The following HDAC8 variants were observed in gnomAD, a reference collection of about 807,000 sequenced individuals.
HDAC8 encodes histone deacetylase-like 1.
Under a neutral mutation model 32.2 loss-of-function variants are expected in HDAC8, and 1 was observed. That is an observed-to-expected ratio of 0.03 (90% confidence interval 0.01 to 0.15). The LOEUF is 0.15. Among genes scored for constraint, HDAC8 ranks in the 10% least tolerant of loss-of-function variants. The pLI is 1.00. For missense variants in HDAC8, 117 were observed against 300.0 expected (o/e 0.39, Z 4.51); for synonymous variants, 108 against 113.9 (o/e 0.95, Z 0.33).
At chrX:72,428,131 T>C (rs2046703714) in intron 9 of HDAC8, among the ~76,000 whole-genome samples, 1 of 111,860 alleles carries the variant, frequency 8.9e-6, no homozygotes, top group African/African-American at 3.3e-5. Context: ...TCTCGCTCTG[T>C]CACCCAGGCT....
chrX:72,442,053 G>C (rs782456123), intron 9 of HDAC8, among the ~76,000 whole-genome samples: 1 of 111,118 alleles, frequency 9.0e-6, no homozygotes, highest in Non-Finnish European at 1.9e-5. Flanking sequence ...CCAAATCTAC[G>C]TCTGATTGGT....
intron 9 of HDAC8, among the ~76,000 whole-genome samples, chrX:72,427,816 T>G (rs1400584398): frequency 2.7e-5 from 3 of 111,139 alleles, no homozygotes; most frequent in Non-Finnish European, 5.7e-5. Flanking sequence ...TTAGAGCACA[T>G]GCAGCCAAAA....
chrX:72,447,389 C>A (rs1288316259), intron 9 of HDAC8, among the ~76,000 whole-genome samples: 1 of 111,933 alleles, frequency 8.9e-6, no homozygotes, highest in Non-Finnish European at 1.9e-5. Flanking sequence ...ATTCAACACC[C>A]CTTCATGCTA....
chrX:72,549,613 T>C (rs2050995396), intron 4 of HDAC8, among the ~76,000 whole-genome samples: 1 of 111,717 alleles, frequency 9.0e-6, no homozygotes, highest in Non-Finnish European at 1.9e-5. Flanking sequence ...CTGGGCCCTA[T>C]TATCAGCTCT....
intron 4 of HDAC8, among the ~76,000 whole-genome samples, chrX:72,543,026 C>T (rs2050754840): frequency 8.9e-6 from 1 of 111,734 alleles, no homozygotes; most frequent in Non-Finnish European, 1.9e-5. Flanking sequence ...TTAAGTTGTT[C>T]AAGTTGACAT....
At chrX:72,533,282 T>C (rs2147421191) in intron 4 of HDAC8, among the ~76,000 whole-genome samples, 1 of 112,033 alleles carries the variant, frequency 8.9e-6, no homozygotes, top group African/African-American at 3.2e-5. Context: ...AGTTTTGAAA[T>C]TGGGAATTGT....
intron 7 of HDAC8, chrX:72,474,457 C>T: frequency 3.9e-6 from 4 of 1,028,047 alleles, no homozygotes; most frequent in Non-Finnish European, 4.9e-6. Context: ...TGTAACAGTA[C>T]TGTTTGCTAC....
chrX:72,560,004 C>T (rs2051478743), intron 4 of HDAC8, among the ~76,000 whole-genome samples: 1 of 112,170 alleles, frequency 8.9e-6, no homozygotes, highest in Non-Finnish European at 1.9e-5. Context: ...CTCTGCCCGG[C>T]CGCCCCGTCT....
rs1200924906 is a variant in HDAC8, at chrX:72,397,041, C to T, written c.1006-45203G>A. On this transcript the variant is annotated intron_variant, in intron 9 of 10. Coordinates refer to ENST00000373573, the MANE Select transcript of HDAC8 (RefSeq NM_018486.3). Reference sequence around the variant, plus strand: ...GGCCTCAGGAAGCTTACAATCATGGCAGAGGGCAAATGGGGGGCTGGCACA... The same window carrying T: ...GGCCTCAGGAAGCTTACAATCATGGTAGAGGGCAAATGGGGGGCTGGCACA... Among the ~76,000 whole-genome samples the T allele has an allele frequency of 9.0e-5, 10 of 110,906 alleles. No homozygotes were observed. The Admixed American group carries it at 9.6e-4, about 11-fold the overall frequency.
In HDAC8 at chrX:72,572,112, A is replaced by G; in HGVS notation, c.112-3T>C. 2 of 1,179,601 alleles carry G rather than the reference A, an allele frequency of 1.7e-6. No homozygotes were observed. The highest frequency in any genetic ancestry group is 1.9e-5 in the South Asian group (1 of 51,868). ...ATCAAAGAATGCACCATACTGGCCT[A>G]AAAACATCAGCGTAAAAAAAAAAAA... On this transcript the variant is annotated splice_polypyrimidine_tract_variant and splice_region_variant and intron_variant, in intron 1 of 10. Coordinates refer to ENST00000373573, the MANE Select transcript of HDAC8 (RefSeq NM_018486.3).
At chrX:72,480,796 C>T (rs2048471464) in intron 7 of HDAC8, among the ~76,000 whole-genome samples, 1 of 111,081 alleles carries the variant, frequency 9.0e-6, no homozygotes, top group South Asian at 3.8e-4. Flanking sequence ...AGAAAACTAA[C>T]ACTGGAACAG....
intron 9 of HDAC8, among the ~76,000 whole-genome samples, chrX:72,437,128 A>G (rs1052001121): frequency 2.7e-5 from 3 of 111,385 alleles, no homozygotes; most frequent in Non-Finnish European, 3.8e-5. Context: ...TGCATTTCCA[A>G]CTGAGGTACC....
In HDAC8 at chrX:72,446,817, C is replaced by T. The variant is rs183413218; in HGVS notation, c.1005+15187G>A. 2.3e-3 allele frequency among the ~76,000 whole-genome samples: 251 copies of T among 111,472 alleles called. 3 individuals carry two copies. Among genetic ancestry groups the T allele is most frequent in the African/African-American group, 5.9e-3 (181 of 30,704 alleles). On this transcript the variant is annotated intron_variant, in intron 9 of 10. Coordinates refer to ENST00000373573, the MANE Select transcript of HDAC8 (RefSeq NM_018486.3). ...AGAGAATAATATAAACACCTCTACA[C>T]GAATAAATTAGAAAATCTAGAAAAA...
At chrX:72,523,336 G>A (rs1431302636) in intron 4 of HDAC8, among the ~76,000 whole-genome samples, 3 of 111,880 alleles carry the variant, frequency 2.7e-5, no homozygotes, top group Non-Finnish European at 3.8e-5. Flanking sequence ...TTGTTTTCAC[G>A]TCTTTGACTG....
intron 9 of HDAC8, among the ~76,000 whole-genome samples, chrX:72,414,198 T>C (rs1319128824): frequency 8.9e-6 from 1 of 112,417 alleles, no homozygotes; most frequent in African/African-American, 3.2e-5. Flanking sequence ...CTTTCATGTA[T>C]TTTATGTAAT....
intron 9 of HDAC8, among the ~76,000 whole-genome samples, chrX:72,383,632 A>G (rs1316721478): frequency 9.0e-6 from 1 of 111,171 alleles, no homozygotes; most frequent in African/African-American, 3.3e-5. Flanking sequence ...GCACTTTGGG[A>G]GGCCGAGGCG....
intron 4 of HDAC8, among the ~76,000 whole-genome samples, chrX:72,539,409 T>C (rs1489268787): frequency 9.3e-6 from 1 of 107,140 alleles, no homozygotes; most frequent in Non-Finnish European, 1.9e-5. Context: ...TTTTTTTTTT[T>C]TTTTGTATTT....
At chrX:72,557,956 C>T (rs182564013) in intron 4 of HDAC8, among the ~76,000 whole-genome samples, 116 of 111,582 alleles carry the variant, frequency 1.0e-3, no homozygotes, top group Non-Finnish European at 3.8e-4. Context: ...ACTAAGAACA[C>T]TTACGTGCAC....
chrX:72,429,244 A>G (rs782188303), intron 9 of HDAC8, among the ~76,000 whole-genome samples: 2 of 111,548 alleles, frequency 1.8e-5, no homozygotes, highest in Non-Finnish European at 3.8e-5. Context: ...TGGGTGACCT[A>G]GCAGGAAATA....
Sources: gnomAD v4.1 joint callset for allele counts (sites outside exome capture counted in the v4.1 genomes callset) on GRCh38, gnomAD v4.1.1 for gene constraint, MANE v1.5 for transcripts, NCBI Gene and HGNC (gene_info 2026-07-23, HGNC 2026-07-21) for gene names.